Variants in FXYD6 observed in about 807,000 individuals in gnomAD.
FXYD6 encodes FXYD domain containing ion transport regulator 6.
FXYD6 carries 7 observed loss-of-function variants against 16.7 expected under a neutral mutation model. That is an observed-to-expected ratio of 0.42 (90% CI 0.24 to 0.79). The LOEUF is 0.79. Among genes scored for constraint, FXYD6 ranks in the 30% least tolerant of loss-of-function variants. The pLI is 0.28. For missense variants in FXYD6, 111 were observed against 116.2 expected (o/e 0.95, Z 0.21); for synonymous variants, 49 against 43.0 (o/e 1.14, Z -0.54).
At chr11:117,866,567 T>C (rs935715850) in intron 1 of FXYD6, among the ~76,000 whole-genome samples, 19 of 152,302 alleles carry the variant, frequency 1.2e-4, no homozygotes, top group African/African-American at 4.3e-4. Context: ...GGCCTGTTAA[T>C]AGGAGAGGTT....
chr11:117,875,507 G>C (rs1431867844), intron 1 of FXYD6, among the ~76,000 whole-genome samples: 1 of 152,112 alleles, frequency 6.6e-6, no homozygotes, highest in Non-Finnish European at 1.5e-5. Flanking sequence ...CAACGACCAG[G>C]CAAGTCACGT....
chr11:117,866,449 C>CT, intron 1 of FXYD6, among the ~76,000 whole-genome samples: 1 of 152,278 alleles, frequency 6.6e-6, no homozygotes, highest in East Asian at 1.9e-4. Flanking sequence ...CAAAATACAG[C>CT]TTTTCAGACT....
chr11:117,854,696 A>G lies in FXYD6; in HGVS notation c.-5-11915T>C, dbSNP rs988540668. On this transcript the variant is annotated intron_variant, in intron 1 of 7. Coordinates refer to ENST00000526014, the MANE Select transcript of FXYD6 (RefSeq NM_022003.4). ...AGAGAAGGGGAGCAGAGAGCTCAAC[A>G]GGGAGCTAGGGAAGTTTCCGTGGAG... Among the ~76,000 whole-genome samples, 8 of 152,238 alleles carry G rather than the reference A, an allele frequency of 5.3e-5. No individual in the cohort carries two copies. The East Asian group carries it at 5.8e-4, about 11-fold the overall frequency.
In FXYD6 at chr11:117,842,013, T is replaced by C. The variant is rs780930650; in HGVS notation, c.74A>G (p.Lys25Arg). Residue 25 changes from lysine (K) to arginine (R), a missense_variant, in exon 3 of 8, where the codon AAG becomes AGG. Transcript: ENST00000526014. ...ACCATAATGAAAAGGGTCCATTTCCTTCTCCTTTTCAGCTGCTGCAAAAAC... is the reference window on the plus strand; with the variant it reads ...ACCATAATGAAAAGGGTCCATTTCCCTCTCCTTTTCAGCTGCTGCAAAAAC... ...MVLASAAEKE[K>R]EMDPFHYDYQ... 1.2e-6 allele frequency: 2 copies of C among 1,614,192 alleles called. No individual in the cohort carries two copies. The highest frequency in any genetic ancestry group is 1.7e-6 in the Non-Finnish European group (2 of 1,180,038).
At chr11:117,860,695 G>T (rs1283068968) in intron 1 of FXYD6, among the ~76,000 whole-genome samples, 2 of 152,182 alleles carry the variant, frequency 1.3e-5, no homozygotes, top group Non-Finnish European at 2.9e-5. Flanking sequence ...CACTTTCCAA[G>T]GCTATGATCA....
At chr11:117,838,687 C>T (rs114810458) in intron 7 of FXYD6, 369 of 209,326 alleles carry the variant, frequency 1.8e-3, no homozygotes, top group African/African-American at 7.9e-3. Context: ...GGGCACCTGC[C>T]TCCTAGATCG....
Position 117,837,896 on chromosome 11 carries a change from T to G in FXYD6, c.*403A>C. ...CAAGCAGCCTCCTAGGAGCAGAAGG[T>G]GATGGAGGGCCACGGGGGCAGGGAG... On this transcript the variant is annotated 3_prime_UTR_variant, in exon 8 of 8. Transcript: ENST00000526014. The surrounding 1 kb of genome is among the most constrained non-coding windows in gnomAD (Gnocchi z 4.4). 1 of 367,400 alleles carries G rather than the reference T, an allele frequency of 2.7e-6. No homozygotes were observed. Among genetic ancestry groups the G allele is most frequent in the Non-Finnish European group, 5.0e-6 (1 of 198,384 alleles). The allele number at this position is 367,400 out of a possible 1,614,324, so 22.8% of individuals were successfully genotyped here. A position where few individuals can be genotyped will look rare whatever the true frequency, so the allele number is the denominator to read the frequency against.
intron 1 of FXYD6, among the ~76,000 whole-genome samples, chr11:117,865,459 A>C (rs1424558057): frequency 6.6e-6 from 1 of 152,252 alleles, no homozygotes; most frequent in African/African-American, 2.4e-5. Flanking sequence ...ACACAGAAGC[A>C]ACCCAGGTGT....
In FXYD6 at chr11:117,858,736, CCTTCCTTCCTT is replaced by C. The variant is rs1565324028; in HGVS notation, c.-5-15966_-5-15956del. 1.2e-4 allele frequency among the ~76,000 whole-genome samples: 12 copies of C among 102,646 alleles called. 1 individual carries two copies. The highest frequency in any genetic ancestry group is 3.8e-4 in the African/African-American group (10 of 26,048). The allele number at this position is 102,646 out of a possible 152,430, so 67.3% of individuals were successfully genotyped here. A position where few individuals can be genotyped will look rare whatever the true frequency, so the allele number is the denominator to read the frequency against. On this transcript the variant is annotated intron_variant, in intron 1 of 7. Coordinates refer to ENST00000526014, the MANE Select transcript of FXYD6 (RefSeq NM_022003.4). ...CTCTCCTTCCTTCCCTTCCTTCCTT[CCTTCCTTCCTT>C]CCTTCCTTCCTTCCTTCCTTCCTTC...
At position 117,851,282 on chromosome 11, in the gene FXYD6, G is replaced by GCTCT. The variant is rs35477142; in HGVS notation, c.-5-8505_-5-8502dup. Among the ~76,000 whole-genome samples the GCTCT allele has an allele frequency of 3.3e-5, 5 of 151,622 alleles. No homozygotes were observed. In the East Asian group the frequency reaches 9.7e-4, roughly 29 times the overall value. On this transcript the variant is annotated intron_variant, in intron 1 of 7. Transcript: ENST00000526014. ...TAAAAAGCAACACAGCCTCTTGTGT[G>GCTCT]CTCTCTCTCTCTCTCCCTCCCTCTC...
At chr11:117,851,787 A>G (rs2056615758) in intron 1 of FXYD6, among the ~76,000 whole-genome samples, 1 of 152,220 alleles carries the variant, frequency 6.6e-6, no homozygotes, top group Non-Finnish European at 1.5e-5. Flanking sequence ...AAGAGACCCT[A>G]CGGCGATCCC....
At chr11:117,868,385 T>G (rs751638201) in intron 1 of FXYD6, among the ~76,000 whole-genome samples, 3 of 152,118 alleles carry the variant, frequency 2.0e-5, no homozygotes, top group Non-Finnish European at 4.4e-5. Context: ...AATGGCACTT[T>G]CCCTCTGTGA....
chr11:117,864,066 A>G (rs1466795455), intron 1 of FXYD6, among the ~76,000 whole-genome samples: 2 of 152,180 alleles, frequency 1.3e-5, no homozygotes, highest in African/African-American at 4.8e-5. Flanking sequence ...TCAAAATCCC[A>G]ATGACATGTT....
chr11:117,852,429 T>C (rs1249144129), intron 1 of FXYD6, among the ~76,000 whole-genome samples: 2 of 152,268 alleles, frequency 1.3e-5, no homozygotes, highest in African/African-American at 4.8e-5. Context: ...CTGATAATTA[T>C]TTTTGCTCTG....
intron 1 of FXYD6, among the ~76,000 whole-genome samples, chr11:117,843,096 G>C (rs907079254): frequency 1.3e-5 from 2 of 152,138 alleles, no homozygotes; most frequent in African/African-American, 4.8e-5. Flanking sequence ...ATCATGCCCG[G>C]CTAATTTTTT....
At chr11:117,851,730 ACT>A (rs1464967585) in intron 1 of FXYD6, among the ~76,000 whole-genome samples, 1 of 152,046 alleles carries the variant, frequency 6.6e-6, no homozygotes, top group Non-Finnish European at 1.5e-5. Context: ...TTCGTTAGAA[ACT>A]CTGTTTCTGT....
chr11:117,847,797 C>T (rs934552787), intron 1 of FXYD6, among the ~76,000 whole-genome samples: 1 of 152,284 alleles, frequency 6.6e-6, no homozygotes, highest in South Asian at 2.1e-4. Context: ...CAAGACTTTG[C>T]TATTGTGAAT....
chr11:117,860,180 T>A (rs1388996633), intron 1 of FXYD6, among the ~76,000 whole-genome samples: 1 of 152,056 alleles, frequency 6.6e-6, no homozygotes, highest in Non-Finnish European at 1.5e-5. Flanking sequence ...TAGGTTTCCT[T>A]CGATCCCAGA....
chr11:117,843,354 A>G (rs1007668421), intron 1 of FXYD6, among the ~76,000 whole-genome samples: 1 of 152,232 alleles, frequency 6.6e-6, no homozygotes, highest in African/African-American at 2.4e-5. Flanking sequence ...AATGAGGCTG[A>G]CATGCACCAG....
Sources: gnomAD v4.1 joint callset for allele counts (sites outside exome capture counted in the v4.1 genomes callset) on GRCh38, gnomAD v4.1.1 for gene constraint, Gnocchi (gnomAD v3.1) non-coding constraint, MANE v1.5 for transcripts, NCBI Gene and HGNC (gene_info 2026-07-23, HGNC 2026-07-21) for gene names.